SMS: variants seen among roughly 807,000 people sequenced by gnomAD.
SMS encodes spermidine aminopropyltransferase.
SMS carries 3 observed loss-of-function variants against 33.0 expected under a neutral mutation model. That is an observed-to-expected ratio of 0.09 (90% CI 0.04 to 0.23). The LOEUF (loss-of-function observed/expected upper bound fraction) is 0.23. Ranked by LOEUF, SMS falls within the 10% of genes least tolerant of loss-of-function variation. The pLI is 1.00. For synonymous variants in SMS, 103 were observed against 112.2 expected (o/e 0.92, Z 0.52); for missense variants, 117 against 288.6 (o/e 0.41, Z 4.31).
intron 7 of SMS, 76 bp from the exon 8 acceptor site, chrX:21,984,228 C>G: frequency 1.4e-6 from 1 of 697,618 alleles, no homozygotes. Context: ...CTTTTTTCCT[C>G]CTTCCTTTAC....
chrX:21,945,634 T>TCCCCCCCCCCCCCCCCCCCCCCCCCCC (rs376720187), intron 1 of SMS, among the ~76,000 whole-genome samples: 1 of 34,142 alleles, frequency 2.9e-5, no homozygotes. Flanking sequence ...TTGCTTCCCG[T>TCCCCCCCCCCCCCCCCCCCCCCCCCCC]CCCCCCCCCC....
intron 1 of SMS, among the ~76,000 whole-genome samples, chrX:21,954,476 G>A (rs1015279091): frequency 1.8e-5 from 2 of 112,423 alleles, no homozygotes; most frequent in African/African-American, 6.5e-5. Context: ...TCACATGGCT[G>A]CCTTCTCGTC....
Position 21,986,995 on chromosome X carries a change from G to GTTTTT in SMS, c.945+1785_945+1789dup, listed in dbSNP as rs10691989. Among the ~76,000 whole-genome samples the GTTTTT allele has an allele frequency of 4.3e-4, 37 of 86,535 alleles. 3 individuals are homozygous for GTTTTT. The highest frequency in any genetic ancestry group is 1.6e-3 in the African/African-American group (35 of 22,106). The allele number at this position is 86,535 out of a possible 115,157, so 75.1% of individuals were successfully genotyped here. On this transcript the variant is annotated intron_variant, in intron 9 of 10. Coordinates refer to ENST00000404933, the MANE Select transcript of SMS (RefSeq NM_004595.5). Reference sequence around the variant, plus strand: ...AAAGAAGCAAGTTGGACTTATGATGGTTTTTTTTTTTTTTTTTGAGATGGA... The same window carrying GTTTTT: ...AAAGAAGCAAGTTGGACTTATGATGGTTTTTTTTTTTTTTTTTTTTTTGAGATGGA...
chrX:21,962,575 T>G (rs1923432325), intron 1 of SMS, among the ~76,000 whole-genome samples: 1 of 112,050 alleles, frequency 8.9e-6, no homozygotes, highest in Non-Finnish European at 1.9e-5. Context: ...TTGAAAATAC[T>G]CATGCCTGGG....
intron 10 of SMS, among the ~76,000 whole-genome samples, chrX:21,993,257 T>G (rs1925874877): frequency 8.9e-6 from 1 of 112,976 alleles, no homozygotes; most frequent in Admixed American, 9.3e-5. Context: ...AATACTAGTT[T>G]CTACACTTGA....
At chrX:21,971,558 CCCTT>C (rs1219446458) in intron 2 of SMS, among the ~76,000 whole-genome samples, 6 of 111,978 alleles carry the variant, frequency 5.4e-5, no homozygotes, top group Non-Finnish European at 9.4e-5. Context: ...TCTCCACACT[CCCTT>C]CCTCTTAAGG....
intron 1 of SMS, among the ~76,000 whole-genome samples, chrX:21,949,783 G>C (rs1922480734): frequency 9.0e-6 from 1 of 111,240 alleles, no homozygotes; most frequent in South Asian, 3.8e-4. Context: ...GGTGAATATA[G>C]AACTGTTCCT....
At chrX:21,975,153 C>A (rs1267248241) in intron 4 of SMS, among the ~76,000 whole-genome samples, 2 of 110,984 alleles carry the variant, frequency 1.8e-5, no homozygotes, top group South Asian at 3.8e-4. Context: ...TTGGTGTAGT[C>A]CAGTTTCATT....
At chrX:21,958,290 T>C (rs762514941) in intron 1 of SMS, among the ~76,000 whole-genome samples, 2 of 112,186 alleles carry the variant, frequency 1.8e-5, no homozygotes, top group East Asian at 2.8e-4. Context: ...AGTTGGTTTT[T>C]TGTATAAGGT....
At chrX:21,949,099 T>C in intron 1 of SMS, among the ~76,000 whole-genome samples, 1 of 111,527 alleles carries the variant, frequency 9.0e-6, no homozygotes, top group Middle Eastern at 4.6e-3. Flanking sequence ...AGCTAGCTAG[T>C]GGTGATACTG....
At chrX:21,952,185 C>G (rs1030903444) in intron 1 of SMS, among the ~76,000 whole-genome samples, 3 of 111,265 alleles carry the variant, frequency 2.7e-5, no homozygotes, top group Admixed American at 1.9e-4. Context: ...GACATCCTTG[C>G]CTTGTTTTTG....
intron 5 of SMS, among the ~76,000 whole-genome samples, 172 bp from the exon 6 acceptor site, chrX:21,977,788 G>A (rs186697874): frequency 1.8e-5 from 2 of 112,373 alleles, no homozygotes; most frequent in East Asian, 5.6e-4. Flanking sequence ...GATGATCAGG[G>A]TTGATGAAAA....
intron 1 of SMS, among the ~76,000 whole-genome samples, chrX:21,945,252 A>G (rs1922131648): frequency 8.9e-6 from 1 of 111,812 alleles, no homozygotes; most frequent in Non-Finnish European, 1.9e-5. Flanking sequence ...ATGCTGGTTC[A>G]TGTCCATTAG....
Position 21,977,355 on chromosome X carries a change from TTTTTGAGA to T in SMS, c.505+121_505+128del, listed in dbSNP as rs1250585188. 3 of 649,826 alleles carry T rather than the reference TTTTTGAGA, an allele frequency of 4.6e-6. No homozygotes were observed. In the African/African-American group the frequency reaches 6.5e-5, roughly 14 times the overall value. 53.6% of individuals were successfully genotyped at this position (649,826 alleles called of 1,213,427 possible). On this transcript the variant is annotated intron_variant, in intron 5 of 10. Coordinates refer to ENST00000404933, the MANE Select transcript of SMS (RefSeq NM_004595.5). ...TTGAGTTTGTTTTTGACACTGCTGG[TTTTTGAGA>T]TGCACATTTATGTCATATTAACCTG...
chrX:21,945,638 C>CCCA (rs1405882422), intron 1 of SMS, among the ~76,000 whole-genome samples: 1 of 69,192 alleles, frequency 1.4e-5, no homozygotes, highest in East Asian at 6.2e-4. Context: ...TTCCCGTCCC[C>CCCA]CCCCCCACCC....
chrX:21,971,832 C>T (rs1359584921), intron 2 of SMS, 65 bp from the exon 3 acceptor site: 46 of 746,264 alleles, frequency 6.2e-5, no homozygotes, highest in Middle Eastern at 4.4e-4. Flanking sequence ...ATCTCTCTCT[C>T]TCTCTCTTTT....
Position 21,990,028 on chromosome X carries a change from C to T in SMS, c.946-2569C>T, listed in dbSNP as rs775004576. Among the ~76,000 whole-genome samples, 34 of 112,026 alleles carry T rather than the reference C, an allele frequency of 3.0e-4. No individual in the cohort carries two copies. In the South Asian group the frequency reaches 7.0e-3, roughly 23 times the overall value. On this transcript the variant is annotated intron_variant, in intron 9 of 10. Coordinates refer to ENST00000404933, the MANE Select transcript of SMS (RefSeq NM_004595.5). ...AAGTGTTAGCATTATAGATGTGAGCCGCCACACCTGGCCCCTTAAACCTTT... is the reference window on the plus strand; with the variant it reads ...AAGTGTTAGCATTATAGATGTGAGCTGCCACACCTGGCCCCTTAAACCTTT...
At chrX:21,942,008 T>C in intron 1 of SMS, among the ~76,000 whole-genome samples, 1 of 105,039 alleles carries the variant, frequency 9.5e-6, no homozygotes, top group South Asian at 4.7e-4. Flanking sequence ...GCTTCTTTTC[T>C]CGGGGTGCCT....
intron 9 of SMS, among the ~76,000 whole-genome samples, chrX:21,987,934 C>A (rs1481795630): frequency 8.9e-6 from 1 of 112,572 alleles, no homozygotes; most frequent in Non-Finnish European, 1.9e-5. Context: ...GCTTAGAATA[C>A]TACCACAGCC....
Sources: gnomAD v4.1 joint callset for allele counts (sites outside exome capture counted in the v4.1 genomes callset) on GRCh38, gnomAD v4.1.1 for gene constraint, MANE v1.5 for transcripts, NCBI Gene and HGNC (gene_info 2026-07-23, HGNC 2026-07-21) for gene names.